Variants in IFT52 observed in about 807,000 individuals in gnomAD.
IFT52 encodes the protein intraflagellar transport protein 52 homolog.
In IFT52, 44 loss-of-function variants were observed where a neutral mutation model predicts 54.4. The ratio of observed to expected loss-of-function variants is 0.81; its 90% CI spans 0.63 to 1.04. IFT52 has a LOEUF of 1.04. Among genes scored for constraint, IFT52 ranks in the 50% least tolerant of loss-of-function variants. The pLI is 0.00. For missense variants in IFT52, 452 were observed against 523.6 expected (o/e 0.86, Z 1.33); for synonymous variants, 181 against 185.3 (o/e 0.98, Z 0.19).
intron 9 of IFT52, among the ~76,000 whole-genome samples, chr20:43,622,724 T>A (rs1208767147): frequency 6.9e-6 from 1 of 145,338 alleles, no homozygotes; most frequent in African/African-American, 2.5e-5. Flanking sequence ...TTTATGTAAA[T>A]ATAAATATAT....
intron 12 of IFT52, among the ~76,000 whole-genome samples, chr20:43,640,534 T>C (rs937034676): frequency 6.6e-6 from 1 of 152,160 alleles, no homozygotes; most frequent in Non-Finnish European, 1.5e-5. Context: ...CATCATTAAA[T>C]GATGAAGTCA....
intron 3 of IFT52, among the ~76,000 whole-genome samples, chr20:43,597,625 G>C (rs1211524730): frequency 1.3e-5 from 2 of 152,118 alleles, no homozygotes; most frequent in Non-Finnish European, 2.9e-5. Flanking sequence ...TGTGTGTGGT[G>C]GCCCACGCCT....
chr20:43,636,994 C>T, intron 11 of IFT52, 151 bp from the exon 12 acceptor site: 3 of 553,514 alleles, frequency 5.4e-6, no homozygotes, highest in South Asian at 2.0e-5. Context: ...TGGTGTGGTT[C>T]CCAACTGAGG....
intron 10 of IFT52, among the ~76,000 whole-genome samples, chr20:43,631,924 C>CT (rs561193928): frequency 0.059 from 8,143 of 137,660 alleles, 541 homozygotes; most frequent in African/African-American, 0.16. Flanking sequence ...TCTGATTTGT[C>CT]TTTTTTTTTT....
chr20:43,606,298 G>C (rs1982876955), intron 6 of IFT52, among the ~76,000 whole-genome samples: 1 of 145,494 alleles, frequency 6.9e-6, no homozygotes. Flanking sequence ...TTTTGAGATG[G>C]AGTCTCACTC....
At position 43,647,082 on chromosome 20, in the gene IFT52, C is replaced by T. The variant is rs954911404; in HGVS notation, c.*99C>T. 2.9e-6 allele frequency: 3 copies of T among 1,032,832 alleles called. No individual in the cohort carries two copies. In the African/African-American group the frequency reaches 4.7e-5, roughly 16 times the overall value. The allele number at this position is 1,032,832 out of a possible 1,614,324, so 64.0% of individuals were successfully genotyped here. On this transcript the variant is annotated 3_prime_UTR_variant, in exon 14 of 14. Transcript: ENST00000373030. Reference sequence around the variant, plus strand: ...TCCTTATCAAAATTGTTTATACACTCTTTCCTCCATGAGCTCTGGAAGGTA... The same window carrying T: ...TCCTTATCAAAATTGTTTATACACTTTTTCCTCCATGAGCTCTGGAAGGTA...
intron 8 of IFT52, among the ~76,000 whole-genome samples, chr20:43,620,403 A>G (rs1984201449): frequency 6.6e-6 from 1 of 152,146 alleles, no homozygotes; most frequent in South Asian, 2.1e-4. Flanking sequence ...CATGCCTGTA[A>G]TCCTACTACT....
intron 3 of IFT52, among the ~76,000 whole-genome samples, chr20:43,601,996 C>T (rs1982483846): frequency 6.6e-6 from 1 of 152,054 alleles, no homozygotes; most frequent in Admixed American, 6.6e-5. Context: ...TCTCTCCACT[C>T]AAGGAACCGA....
At position 43,617,080 on chromosome 20, in the gene IFT52, A is replaced by G. The variant is rs568247982; in HGVS notation, c.613-1860A>G. Among the ~76,000 whole-genome samples the G allele has an allele frequency of 1.1e-4, 16 of 152,258 alleles. No individual in the cohort carries two copies. In the East Asian group the frequency reaches 2.7e-3, roughly 26 times the overall value. ...AATGATGTGTTGGAAGCATTTTCCC[A>G]TGTTACTGAAAACCCTTTATAATAT... On this transcript the variant is annotated intron_variant, in intron 7 of 13. Coordinates refer to ENST00000373030, the MANE Select transcript of IFT52 (RefSeq NM_016004.5).
chr20:43,644,101 T>C (rs6017132), intron 13 of IFT52, among the ~76,000 whole-genome samples: 25,929 of 54,790 alleles, frequency 0.47, 12,312 homozygotes, highest in African/African-American at 0.86. Flanking sequence ...AGCAAGACTC[T>C]GTCTCAAAAA....
intron 2 of IFT52, 68 bp downstream of exon 2, chr20:43,594,885 T>A (rs1981813161): frequency 2.3e-6 from 2 of 855,534 alleles, no homozygotes; most frequent in Non-Finnish European, 4.0e-6. Context: ...TGAGAAGTCT[T>A]TATTTTCTTA....
At chr20:43,606,007 G>A (rs558649779) in intron 6 of IFT52, among the ~76,000 whole-genome samples, 1 of 152,068 alleles carries the variant, frequency 6.6e-6, no homozygotes, top group Non-Finnish European at 1.5e-5. Context: ...GATCACCTGA[G>A]GTCACGAGTT....
chr20:43,645,215 A>G lies in IFT52; in HGVS notation c.1267-1721A>G. ...TTCTACTTTCTTTACAGAATACAAT[A>G]CACACATAGAATTATTTTGCATAAT... On this transcript the variant is annotated intron_variant, in intron 13 of 13. Coordinates refer to ENST00000373030, the MANE Select transcript of IFT52 (RefSeq NM_016004.5). Among the ~76,000 whole-genome samples the G allele has an allele frequency of 3.4e-5, 2 of 58,708 alleles. 1 individual carries two copies. Among genetic ancestry groups the G allele is most frequent in the Non-Finnish European group, 8.2e-5 (2 of 24,454 alleles). 38.5% of individuals were successfully genotyped at this position (58,708 alleles called of 152,430 possible).
chr20:43,594,540 C>T (rs915162091), intron 1 of IFT52, among the ~76,000 whole-genome samples, 153 bp from the exon 2 acceptor site: 4 of 152,156 alleles, frequency 2.6e-5, no homozygotes, highest in African/African-American at 9.7e-5. Flanking sequence ...TTGCATTTCA[C>T]TCTCAACCTT....
chr20:43,639,204 A>G (rs1985743593), intron 12 of IFT52, among the ~76,000 whole-genome samples: 2 of 151,160 alleles, frequency 1.3e-5, no homozygotes, highest in South Asian at 4.2e-4. Flanking sequence ...AAGAGTATGA[A>G]ATAAGCCTGG....
At chr20:43,626,913 C>G (rs948928025) in intron 10 of IFT52, among the ~76,000 whole-genome samples, 1 of 151,998 alleles carries the variant, frequency 6.6e-6, no homozygotes, top group Non-Finnish European at 1.5e-5. Flanking sequence ...GCCTGTAATC[C>G]CAGCACTTTG....
intron 10 of IFT52, among the ~76,000 whole-genome samples, chr20:43,630,672 T>C (rs189458069): frequency 2.0e-5 from 3 of 152,318 alleles, no homozygotes; most frequent in African/African-American, 7.2e-5. Context: ...TTAGAGTTCA[T>C]GGTCTGATGG....
rs1981776161 is a variant in IFT52 at position 43,594,495 on chromosome 20, G to C, written c.-6-198G>C. On this transcript the variant is annotated intron_variant, in intron 1 of 13. Coordinates refer to ENST00000373030, the MANE Select transcript of IFT52 (RefSeq NM_016004.5). Reference sequence around the variant, plus strand: ...AGCAAAAGCGGGTAGGGGAGGGCTGGGTTGGTTTTGGTCTTAGGTTTCTGT... The same window carrying C: ...AGCAAAAGCGGGTAGGGGAGGGCTGCGTTGGTTTTGGTCTTAGGTTTCTGT... Among the ~76,000 whole-genome samples the C allele has an allele frequency of 2.0e-5, 3 of 152,170 alleles. No homozygotes were observed. In the South Asian group the frequency reaches 6.2e-4, roughly 32 times the overall value.
chr20:43,631,257 A>C (rs1985150021), intron 10 of IFT52, among the ~76,000 whole-genome samples: 1 of 152,208 alleles, frequency 6.6e-6, no homozygotes. Flanking sequence ...AGGATTAAAT[A>C]AGTTTAAGTG....
Sources: gnomAD v4.1 joint callset for allele counts (sites outside exome capture counted in the v4.1 genomes callset) on GRCh38, gnomAD v4.1.1 for gene constraint, MANE v1.5 for transcripts, NCBI Gene and HGNC (gene_info 2026-07-23, HGNC 2026-07-21) for gene names.